MMP26: variants seen among roughly 807,000 people sequenced by gnomAD.
MMP26 encodes matrix metalloproteinase-26.
MMP26 carries 33 observed loss-of-function variants against 31.0 expected under a neutral mutation model. The ratio of observed to expected loss-of-function variants is 1.06; its 90% CI spans 0.81 to 1.42. The LOEUF (loss-of-function observed/expected upper bound fraction) is 1.42, where lower values mean the gene tolerates loss of function less well. MMP26 is among the 40% of genes most tolerant of loss of function. The pLI is 0.00. For synonymous variants in MMP26, 122 were observed against 114.9 expected, an observed-to-expected ratio of 1.06 and a Z score of -0.40; for missense variants, 347 against 316.1, an observed-to-expected ratio of 1.10 and a Z score of -0.74.
intron 1 of MMP26, among the ~76,000 whole-genome samples, chr11:4,757,549 G>A (rs1416451733): frequency 6.8e-6 from 1 of 148,020 alleles, no homozygotes; most frequent in Non-Finnish European, 1.5e-5. Flanking sequence ...AACAGACTGG[G>A]AGAAAATATT....
At chr11:4,850,021 A>C (rs369725450) in intron 2 of MMP26, among the ~76,000 whole-genome samples, 1 of 152,152 alleles carries the variant, frequency 6.6e-6, no homozygotes, top group Non-Finnish European at 1.5e-5. Context: ...AGCTATTTTG[A>C]AATATACAAT....
intron 1 of MMP26, among the ~76,000 whole-genome samples, chr11:4,706,479 G>A (rs1305960953): frequency 1.3e-5 from 2 of 150,532 alleles, no homozygotes; most frequent in East Asian, 2.0e-4. Flanking sequence ...TTGGCGAGCT[G>A]AGGCAGGAGG....
rs375151776 is a variant in MMP26, at chr11:4,954,997, G to A, written c.-144-33071G>A. On this transcript the variant is annotated intron_variant, in intron 2 of 7. Transcript: ENST00000380390. Reference sequence around the variant, plus strand: ...CACAGATGTGTGAAACACAAGTATTGAGAGCCTTAAGCTCCTCCTTTTTGG... The same window carrying A: ...CACAGATGTGTGAAACACAAGTATTAAGAGCCTTAAGCTCCTCCTTTTTGG... 5.1e-6 allele frequency: 7 copies of A among 1,377,982 alleles called. 2 individuals are homozygous for A. Among genetic ancestry groups the A allele is most frequent in the Non-Finnish European group, 7.0e-6 (7 of 998,976 alleles). 85.4% of individuals were successfully genotyped at this position (1,377,982 alleles called of 1,614,324 possible). A position where few individuals can be genotyped will look rare whatever the true frequency, so the allele number is the denominator to read the frequency against.
chr11:4,844,712 C>G (rs1317702165), intron 2 of MMP26, among the ~76,000 whole-genome samples: 1 of 152,092 alleles, frequency 6.6e-6, no homozygotes, highest in Non-Finnish European at 1.5e-5. Flanking sequence ...AAATTCAACA[C>G]CCCTTCATAA....
intron 2 of MMP26, among the ~76,000 whole-genome samples, chr11:4,818,241 A>G (rs900134747): frequency 4.0e-5 from 6 of 151,754 alleles, no homozygotes; most frequent in African/African-American, 1.5e-4. Context: ...CAAAACAGTT[A>G]CTCTTGTTTG....
At chr11:4,820,948 A>AT (rs1167855073) in intron 2 of MMP26, among the ~76,000 whole-genome samples, 3 of 152,022 alleles carry the variant, frequency 2.0e-5, no homozygotes, top group Non-Finnish European at 2.9e-5. Context: ...TGTCCCAGGG[A>AT]TTTTTTGGCA....
At chr11:4,793,349 T>A (rs1849058285) in intron 2 of MMP26, among the ~76,000 whole-genome samples, 1 of 152,172 alleles carries the variant, frequency 6.6e-6, no homozygotes, top group Non-Finnish European at 1.5e-5. Flanking sequence ...TTGTATCAAC[T>A]AAAACTTGTG....
At chr11:4,935,554 T>C (rs555117111) in intron 2 of MMP26, among the ~76,000 whole-genome samples, 408 of 152,016 alleles carry the variant, frequency 2.7e-3, no homozygotes, top group African/African-American at 9.6e-3. Context: ...TTTTCCTAAT[T>C]GAATACCCTT....
chr11:4,901,222 G>C (rs190754700), intron 2 of MMP26, among the ~76,000 whole-genome samples: 7 of 139,190 alleles, frequency 5.0e-5, no homozygotes, highest in Non-Finnish European at 7.6e-5. Flanking sequence ...GCAGTGGCGT[G>C]ATCTCCGCTC....
chr11:4,745,879 T>C (rs892438197), intron 1 of MMP26, among the ~76,000 whole-genome samples: 3 of 152,160 alleles, frequency 2.0e-5, no homozygotes, highest in Non-Finnish European at 4.4e-5. Context: ...TTTCAAAATG[T>C]TTTTCCACCT....
intron 2 of MMP26, among the ~76,000 whole-genome samples, chr11:4,806,207 C>A (rs936935466): frequency 6.6e-6 from 1 of 151,650 alleles, no homozygotes; most frequent in African/African-American, 2.4e-5. Context: ...TGTTGATTTG[C>A]GGTGGAGAGT....
intron 2 of MMP26, among the ~76,000 whole-genome samples, chr11:4,809,463 T>C (rs577207401): frequency 1.3e-5 from 2 of 152,328 alleles, no homozygotes; most frequent in Admixed American, 1.3e-4. Flanking sequence ...TGGATTTCAA[T>C]GATCTCACCC....
At chr11:4,819,558 G>C (rs544257944) in intron 2 of MMP26, among the ~76,000 whole-genome samples, 1 of 132,868 alleles carries the variant, frequency 7.5e-6, no homozygotes, top group Non-Finnish European at 1.6e-5. Flanking sequence ...ACTGAAATGA[G>C]TCGACTGATT....
At chr11:4,924,077 C>G (rs868437497) in intron 2 of MMP26, 1 of 1,614,110 alleles carries the variant, frequency 6.2e-7, no homozygotes, top group Admixed American at 1.7e-5. Flanking sequence ...GGTATCAAAC[C>G]AGAAAATGCC....
At chr11:4,943,714 C>T (rs577032000) in intron 2 of MMP26, 5 of 351,368 alleles carry the variant, frequency 1.4e-5, no homozygotes, top group South Asian at 1.1e-4. Flanking sequence ...TTAAGGAGCC[C>T]CAGAGTTGAG....
chr11:4,893,589 C>T (rs1387594440), intron 2 of MMP26, among the ~76,000 whole-genome samples: 1 of 152,168 alleles, frequency 6.6e-6, no homozygotes, highest in Non-Finnish European at 1.5e-5. Context: ...CGATTCATTT[C>T]TCTTAAGCAG....
chr11:4,794,939 A>T (rs981534469), intron 2 of MMP26: 2 of 152,236 alleles, frequency 1.3e-5, no homozygotes, highest in Non-Finnish European at 2.9e-5. Flanking sequence ...TGAGGTGGAA[A>T]GCAGATGAAC....
At position 4,990,662 on chromosome 11, in the gene MMP26, T is replaced by TC; in HGVS notation, c.387dup (p.Ile130HisfsTer30). 6.2e-7 allele frequency: 1 copy of TC among 1,614,160 alleles called. No homozygotes were observed. Among genetic ancestry groups the TC allele is most frequent in the East Asian group, 2.2e-5 (1 of 44,858 alleles). ...GAAAGACAGTATATATAATGCAGTT[T>TC]CCATCTGGAGCAATGTGACCCCTTT... On this transcript the variant is annotated frameshift_variant, in exon 5 of 8. Transcript: ENST00000380390. LOFTEE classifies it high-confidence loss of function.
chr11:4,708,714 C>A (rs1847816565), intron 1 of MMP26, among the ~76,000 whole-genome samples: 2 of 152,156 alleles, frequency 1.3e-5, no homozygotes, highest in Admixed American at 6.5e-5. Flanking sequence ...ACACTTAGAT[C>A]TCCAGAGAAA....
Sources: gnomAD v4.1 joint callset for allele counts (sites outside exome capture counted in the v4.1 genomes callset) on GRCh38, gnomAD v4.1.1 for gene constraint, MANE v1.5 for transcripts, NCBI Gene and HGNC (gene_info 2026-07-23, HGNC 2026-07-21) for gene names.